SPOPL: variants seen among roughly 807,000 people sequenced by gnomAD.
SPOPL encodes the protein speckle type BTB/POZ protein like.
Under a neutral mutation model 53.8 loss-of-function variants are expected in SPOPL, and 23 were observed. The observed-to-expected ratio is 0.43, with a 90% CI of 0.31 to 0.61. The LOEUF is 0.61. Ranked by LOEUF, SPOPL falls within the 20% of genes least tolerant of loss-of-function variation. The probability of loss-of-function intolerance (pLI) is 0.12; values close to 1 mark genes in which losing one functional copy is unlikely to be tolerated. For missense variants in SPOPL, 442 were observed against 466.9 expected, an observed-to-expected ratio of 0.95 and a Z score of 0.49; for synonymous variants, 164 against 149.7, an observed-to-expected ratio of 1.10 and a Z score of -0.70.
intron 1 of SPOPL, among the ~76,000 whole-genome samples, chr2:138,549,044 G>A (rs1484313430): frequency 1.3e-5 from 2 of 152,062 alleles, no homozygotes; most frequent in Non-Finnish European, 2.9e-5. Context: ...TGGCTGTTAG[G>A]TCTAGCTAGT....
At chr2:138,557,602 CTTTTA>C (rs1416568651) in intron 5 of SPOPL, among the ~76,000 whole-genome samples, 1 of 152,048 alleles carries the variant, frequency 6.6e-6, no homozygotes. Flanking sequence ...CTTATTTATA[CTTTTA>C]TTTAATAAAA....
intron 1 of SPOPL, among the ~76,000 whole-genome samples, chr2:138,541,681 A>C (rs1358599807): frequency 6.6e-6 from 1 of 152,114 alleles, no homozygotes; most frequent in Non-Finnish European, 1.5e-5. Context: ...CTTTTCAAAA[A>C]ACCAGCTCCT....
intron 1 of SPOPL, among the ~76,000 whole-genome samples, chr2:138,522,123 C>G (rs541075818): frequency 6.6e-6 from 1 of 152,264 alleles, no homozygotes; most frequent in East Asian, 1.9e-4. Flanking sequence ...AACAGGCCCT[C>G]CAAGGTAATT....
At chr2:138,547,791 G>A (rs1272398914) in intron 1 of SPOPL, among the ~76,000 whole-genome samples, 1 of 152,044 alleles carries the variant, frequency 6.6e-6, no homozygotes, top group Non-Finnish European at 1.5e-5. Context: ...CCACCTGCCA[G>A]TCTGTTTTTC....
Position 138,571,664 on chromosome 2 carries a change from A to T in SPOPL, c.*2584A>T, listed in dbSNP as rs1280443202. ...TCCTCATTTTTAAACTGCATACATT[A>T]CTTTCAAAATAGGTATAGATACTCT... On this transcript the variant is annotated 3_prime_UTR_variant, in exon 11 of 11. Coordinates refer to ENST00000280098, the MANE Select transcript of SPOPL (RefSeq NM_001001664.3). 6.6e-6 allele frequency: 1 copy of T among 152,488 alleles called. No individual in the cohort carries two copies. Among genetic ancestry groups the T allele is most frequent in the Non-Finnish European group, 1.5e-5 (1 of 68,000 alleles). The allele number at this position is 152,488 out of a possible 1,614,324, so 9.4% of individuals were successfully genotyped here.
chr2:138,559,556 T>C (rs1685501197), intron 7 of SPOPL, among the ~76,000 whole-genome samples: 1 of 152,200 alleles, frequency 6.6e-6, no homozygotes, highest in African/African-American at 2.4e-5. Flanking sequence ...TTTATGCCCT[T>C]CTGGTAGGTA....
chr2:138,528,473 A>G (rs1684725931), intron 1 of SPOPL, among the ~76,000 whole-genome samples: 1 of 152,146 alleles, frequency 6.6e-6, no homozygotes, highest in African/African-American at 2.4e-5. Flanking sequence ...CTTATTTTCT[A>G]ACGTTGTTAT....
chr2:138,505,965 A>T (rs975416742), intron 1 of SPOPL, among the ~76,000 whole-genome samples: 9 of 152,154 alleles, frequency 5.9e-5, no homozygotes, highest in Non-Finnish European at 8.8e-5. Context: ...GTCCAGTAAG[A>T]ACTGAACTTC....
In SPOPL at chr2:138,567,372, AGTGTGTGTGTGTGTGTGTGT is replaced by A. The variant is rs57208490; in HGVS notation, c.1035-1521_1035-1502del. Among the ~76,000 whole-genome samples the A allele has an allele frequency of 4.1e-3, 459 of 113,038 alleles. 2 individuals are homozygous for A. The highest frequency in any genetic ancestry group is 9.3e-3 in the Middle Eastern group (2 of 214). 74.2% of individuals were successfully genotyped at this position (113,038 alleles called of 152,430 possible). On this transcript the variant is annotated intron_variant, in intron 10 of 10. Coordinates refer to ENST00000280098, the MANE Select transcript of SPOPL (RefSeq NM_001001664.3). ...TTTTAACAATGAGAAAGAGCAGTATAGTGTGTGTGTGTGTGTGTGTGTGTGTGTGTGTGTGTGTGTGTGTG... is the reference window on the plus strand; with the variant it reads ...TTTTAACAATGAGAAAGAGCAGTATAGTGTGTGTGTGTGTGTGTGTGTGTG...
intron 1 of SPOPL, among the ~76,000 whole-genome samples, chr2:138,512,755 G>T (rs1395571384): frequency 6.6e-6 from 1 of 151,826 alleles, no homozygotes. Flanking sequence ...TGTTTATTTT[G>T]GACTCACATT....
chr2:138,569,050 C>T lies in SPOPL; in HGVS notation c.1149C>T (p.Gly383=), dbSNP rs1329680890. The T allele has an allele frequency of 1.2e-6, 2 of 1,613,616 alleles. No individual in the cohort carries two copies. The highest frequency in any genetic ancestry group is 1.7e-6 in the Non-Finnish European group (2 of 1,179,886). The change falls in exon 11 of 11, where the codon GGC becomes GGT. Residue 383 remains glycine (G), a synonymous_variant. Transcript: ENST00000280098. ...CATCTGCACAGTGTCCACAGTTTGG[C>T]ATTCCACGCAAACGGCTAAAACAGT... is the stretch of plus-strand genomic sequence containing the variant. ...ALASAQCPQF[G]IPRKRLKQS
chr2:138,556,972 C>T (rs142700554), intron 5 of SPOPL, among the ~76,000 whole-genome samples: 8,092 of 152,056 alleles, frequency 0.053, 316 homozygotes, highest in Middle Eastern at 0.14. Flanking sequence ...CTGGCTAACA[C>T]GGTGAAAACC....
chr2:138,559,185 A>G lies in SPOPL; in HGVS notation c.644A>G (p.Lys215Arg). 2 of 1,613,556 alleles carry G rather than the reference A, an allele frequency of 1.2e-6. No homozygotes were observed. Among genetic ancestry groups the G allele is most frequent in the Non-Finnish European group, 1.7e-6 (2 of 1,179,742 alleles). The change falls in exon 6 of 11, where the codon AAA (lysine) becomes AGA (arginine). Residue 215 changes from lysine to arginine, a missense_variant. By Grantham distance (26) the Lys-to-Arg change is conservative. Transcript: ENST00000280098. ...AGAGGACAAGAATTTAAAGCTCATA[A>G]ATCTGTGCTTGCAGGTACTTTCTAG... ...FVRGQEFKAH[K>R]SVLAARSPVF...
intron 1 of SPOPL, among the ~76,000 whole-genome samples, chr2:138,539,162 G>A (rs1685005950): frequency 6.6e-6 from 1 of 152,168 alleles, no homozygotes; most frequent in African/African-American, 2.4e-5. Flanking sequence ...TTGGACATTT[G>A]GGTTGGTTCC....
intron 4 of SPOPL, 65 bp from the exon 5 acceptor site, chr2:138,552,489 G>C: frequency 6.5e-7 from 1 of 1,540,556 alleles, no homozygotes; most frequent in South Asian, 1.3e-5. Flanking sequence ...ATTTAACTGT[G>C]TTACCATGTT....
At chr2:138,530,458 T>C (rs929096865) in intron 1 of SPOPL, among the ~76,000 whole-genome samples, 3 of 152,192 alleles carry the variant, frequency 2.0e-5, no homozygotes, top group African/African-American at 4.8e-5. Flanking sequence ...AATTGATGTC[T>C]TTAGAATAAT....
intron 1 of SPOPL, among the ~76,000 whole-genome samples, chr2:138,510,721 T>C (rs1684307703): frequency 3.9e-5 from 6 of 152,202 alleles, no homozygotes; most frequent in African/African-American, 9.6e-5. Flanking sequence ...AAGGTAAAGA[T>C]TGCAATAGTC....
At chr2:138,539,483 C>T (rs1573890615) in intron 1 of SPOPL, among the ~76,000 whole-genome samples, 2 of 152,258 alleles carry the variant, frequency 1.3e-5, no homozygotes. Context: ...TTTTGATTTG[C>T]ATTTCTCTGA....
rs114665858 is a variant in SPOPL at position 138,572,115 on chromosome 2, T to C, written c.*3035T>C. 12 of 152,658 alleles carry C rather than the reference T, an allele frequency of 7.9e-5. No homozygotes were observed. Among genetic ancestry groups the C allele is most frequent in the Non-Finnish European group, 1.6e-4 (11 of 68,006 alleles). 9.5% of individuals were successfully genotyped at this position (152,658 alleles called of 1,614,324 possible). A position where few individuals can be genotyped will look rare whatever the true frequency, so the allele number is the denominator to read the frequency against. On this transcript the variant is annotated 3_prime_UTR_variant, in exon 11 of 11. Coordinates refer to ENST00000280098, the MANE Select transcript of SPOPL (RefSeq NM_001001664.3). ...TGAATTTCTGGAAATAGAAATCAGT[T>C]AAATGTTGAAAGTTCAGGTTAGCAG...
Sources: allele counts gnomAD v4.1 joint callset (sites outside exome capture counted in the v4.1 genomes callset), GRCh38; gene constraint gnomAD v4.1.1; transcripts MANE v1.5; gene names NCBI Gene and HGNC (gene_info 2026-07-23, HGNC 2026-07-21).